Variants in NFKB1 observed in about 807,000 individuals in gnomAD.
NFKB1 encodes nuclear factor kappa B subunit 1, also known as nuclear factor NF-kappa-B p105 subunit.
A neutral mutation model predicts 105.1 loss-of-function variants in NFKB1; 9 were observed. The observed-to-expected ratio is 0.09, with a 90% CI of 0.05 to 0.15. The LOEUF (loss-of-function observed/expected upper bound fraction) is 0.15. NFKB1 is among the 10% of genes least tolerant of loss of function. The pLI, the probability that NFKB1 is intolerant of heterozygous loss-of-function variation, is 1.00. For missense variants in NFKB1, 830 were observed against 1,203.7 expected (o/e 0.69, Z 4.59); for synonymous variants, 440 against 442.2 (o/e 1.00, Z 0.06).
intron 5 of NFKB1, among the ~76,000 whole-genome samples, chr4:102,547,731 G>A (rs1722248571): frequency 6.6e-6 from 1 of 152,062 alleles, no homozygotes; most frequent in African/African-American, 2.4e-5. Flanking sequence ...ATGGATTCAT[G>A]GAGCTACACA....
chr4:102,551,370 G>GCA (rs1472003178), intron 5 of NFKB1, among the ~76,000 whole-genome samples: 5 of 139,408 alleles, frequency 3.6e-5, no homozygotes, highest in African/African-American at 8.4e-5. Context: ...GTGTGTGTGC[G>GCA]CGCGCGCATG....
At chr4:102,510,033 C>A (rs1013149149) in intron 1 of NFKB1, among the ~76,000 whole-genome samples, 2 of 152,166 alleles carry the variant, frequency 1.3e-5, no homozygotes, top group African/African-American at 4.8e-5. Context: ...AGTTTCCTAT[C>A]CACAGTTTCT....
intron 4 of NFKB1, 151 bp downstream of exon 4, chr4:102,534,036 T>G: frequency 1.5e-6 from 1 of 683,068 alleles, no homozygotes; most frequent in Non-Finnish European, 2.5e-6. Context: ...CTTTATTCAT[T>G]CACTTTACAT....
At chr4:102,541,177 CAA>C (rs1741974850) in intron 5 of NFKB1, among the ~76,000 whole-genome samples, 1 of 152,154 alleles carries the variant, frequency 6.6e-6, no homozygotes, top group African/African-American at 2.4e-5. Context: ...TTGTGACATC[CAA>C]AAAGTCTCCA....
intron 17 of NFKB1, among the ~76,000 whole-genome samples, 178 bp from the exon 18 acceptor site, chr4:102,606,972 T>C (rs892944440): frequency 6.6e-6 from 1 of 152,244 alleles, no homozygotes; most frequent in Admixed American, 6.5e-5. Flanking sequence ...TTTATTTATG[T>C]TCATGTCTCC....
intron 12 of NFKB1, among the ~76,000 whole-genome samples, chr4:102,594,138 TAG>T (rs1468991618): frequency 1.3e-5 from 2 of 152,362 alleles, no homozygotes; most frequent in South Asian, 2.1e-4. Flanking sequence ...ACTGTGTGTA[TAG>T]AGTCATAGGT....
At chr4:102,531,854 G>A (rs1398791872) in intron 3 of NFKB1, among the ~76,000 whole-genome samples, 1 of 152,144 alleles carries the variant, frequency 6.6e-6, no homozygotes, top group Admixed American at 6.5e-5. Flanking sequence ...TGAGAGACTT[G>A]AAGTTTAATG....
intron 1 of NFKB1, among the ~76,000 whole-genome samples, chr4:102,507,454 A>AT (rs1382064834): frequency 1.1e-4 from 17 of 149,540 alleles, no homozygotes; most frequent in East Asian, 1.9e-4. Flanking sequence ...TTTTTTTGTA[A>AT]TTTATTTTTT....
At chr4:102,591,992 G>T (rs140804492) in intron 11 of NFKB1, among the ~76,000 whole-genome samples, 5 of 152,178 alleles carry the variant, frequency 3.3e-5, no homozygotes, top group African/African-American at 1.2e-4. Context: ...TCCAGCCCTC[G>T]TGGGTGACAT....
chr4:102,609,365 A>G (rs1407019115), intron 19 of NFKB1, among the ~76,000 whole-genome samples: 2 of 151,978 alleles, frequency 1.3e-5, no homozygotes, highest in Non-Finnish European at 2.9e-5. Context: ...TAATCCCAGC[A>G]CTTTGGGAGG....
intron 12 of NFKB1, among the ~76,000 whole-genome samples, chr4:102,594,339 T>A (rs557493565): frequency 6.6e-6 from 1 of 152,316 alleles, no homozygotes; most frequent in South Asian, 2.1e-4. Context: ...AACTTTTCAC[T>A]TATTCCAGAT....
chr4:102,535,299 C>G (rs898388584), intron 4 of NFKB1, among the ~76,000 whole-genome samples: 13 of 152,096 alleles, frequency 8.5e-5, no homozygotes, highest in African/African-American at 3.1e-4. Flanking sequence ...TTTTCATAAG[C>G]ATAGCACTAC....
chr4:102,576,118 A>G (rs1049465627), intron 6 of NFKB1, among the ~76,000 whole-genome samples: 1 of 152,190 alleles, frequency 6.6e-6, no homozygotes, highest in Non-Finnish European at 1.5e-5. Flanking sequence ...AGCTTATCAC[A>G]TATTTTGTTT....
At chr4:102,558,646 C>T (rs1467716545) in intron 5 of NFKB1, among the ~76,000 whole-genome samples, 1 of 152,076 alleles carries the variant, frequency 6.6e-6, no homozygotes, top group Admixed American at 6.6e-5. Flanking sequence ...AATATCCTCA[C>T]TGTTTTTATT....
intron 5 of NFKB1, among the ~76,000 whole-genome samples, chr4:102,563,217 A>G (rs1378630717): frequency 6.6e-6 from 1 of 152,222 alleles, no homozygotes; most frequent in African/African-American, 2.4e-5. Context: ...TGTGGTCATC[A>G]GTAGGTATTG....
chr4:102,572,017 A>C (rs1038592291), intron 6 of NFKB1, among the ~76,000 whole-genome samples: 1 of 152,238 alleles, frequency 6.6e-6, no homozygotes, highest in Non-Finnish European at 1.5e-5. Context: ...TCATGCTGCT[A>C]TAAAGACACA....
chr4:102,567,870 A>G (rs1346194521), intron 6 of NFKB1, among the ~76,000 whole-genome samples: 1 of 152,232 alleles, frequency 6.6e-6, no homozygotes, highest in Non-Finnish European at 1.5e-5. Context: ...GGCACACAGA[A>G]TAATAGTGTA....
intron 11 of NFKB1, among the ~76,000 whole-genome samples, chr4:102,592,878 C>G (rs1487032236): frequency 6.6e-6 from 1 of 152,206 alleles, no homozygotes; most frequent in Non-Finnish European, 1.5e-5. Flanking sequence ...CCCCAAACTC[C>G]TAGAACACTG....
chr4:102,512,559 G>A (rs1739850518), intron 1 of NFKB1, among the ~76,000 whole-genome samples: 1 of 152,064 alleles, frequency 6.6e-6, no homozygotes, highest in Non-Finnish European at 1.5e-5. Flanking sequence ...TAGAGATGGG[G>A]TCTCCCTATG....
Sources: gnomAD v4.1 joint callset for allele counts (sites outside exome capture counted in the v4.1 genomes callset) on GRCh38, gnomAD v4.1.1 for gene constraint, MANE v1.5 for transcripts, NCBI Gene and HGNC (gene_info 2026-07-23, HGNC 2026-07-21) for gene names.